MYO16: variants seen among roughly 807,000 people sequenced by gnomAD.
MYO16 encodes the protein myosin XVI.
A neutral mutation model predicts 205.3 loss-of-function variants in MYO16; 94 were observed. The observed-to-expected ratio is 0.46, with a 90% confidence interval of 0.39 to 0.54. MYO16 has a LOEUF of 0.54. Ranked by LOEUF, MYO16 falls within the 20% of genes least tolerant of loss-of-function variation. The pLI, the probability that MYO16 is intolerant of heterozygous loss-of-function variation, is 0.00. For missense variants in MYO16, 2,315 were observed against 2,387.5 expected, an observed-to-expected ratio of 0.97 and a Z score of 0.63; for synonymous variants, 988 against 954.0, an observed-to-expected ratio of 1.04 and a Z score of -0.66.
At chr13:109,053,936 C>T (rs1015754869) in intron 25 of MYO16, among the ~76,000 whole-genome samples, 2 of 152,178 alleles carry the variant, frequency 1.3e-5, no homozygotes, top group Non-Finnish European at 1.5e-5. Context: ...TACATCTTAA[C>T]AGAAGAAAAT....
chr13:108,853,388 T>A (rs1877991538), intron 10 of MYO16, among the ~76,000 whole-genome samples: 1 of 152,206 alleles, frequency 6.6e-6, no homozygotes, highest in Non-Finnish European at 1.5e-5. Context: ...CATCAAAGCC[T>A]TAAAGCTATG....
Position 108,665,905 on chromosome 13 carries a change from C to G in MYO16, c.48C>G (p.Asn16Lys), listed in dbSNP as rs200159864. 6 of 1,613,856 alleles carry G rather than the reference C, an allele frequency of 3.7e-6. No individual in the cohort carries two copies. Among genetic ancestry groups the G allele is most frequent in the Non-Finnish European group, 4.2e-6 (5 of 1,179,848 alleles). ...TTCCAGGTTGCTTTCAGCTATGTAACGTTTTTCGATCCCATGAGATGGAAA... is the reference window on the plus strand; with the variant it reads ...TTCCAGGTTGCTTTCAGCTATGTAAGGTTTTTCGATCCCATGAGATGGAAA... ...FIKCCCFQLC[N>K]VFRSHEMEID... The change falls in exon 2 of 35, where the codon AAC becomes AAG. Residue 16 changes from asparagine to lysine, a missense_variant. This residue lies in a region of MYO16 where 1,213 missense variants were observed against 1,274.4 expected (regional missense o/e 0.95). Coordinates refer to ENST00000457511, the MANE Select transcript of MYO16 (RefSeq NM_001198950.3).
At chr13:108,605,172 C>G (rs1017591401) in intron 1 of MYO16, among the ~76,000 whole-genome samples, 2 of 152,170 alleles carry the variant, frequency 1.3e-5, no homozygotes, top group African/African-American at 4.8e-5. Context: ...AAAGGACTGA[C>G]TCTTAGACAT....
At chr13:108,580,338 G>A in the MYO16 span, among the ~76,000 whole-genome samples, 9 of 152,074 alleles carry the variant, frequency 5.9e-5, no homozygotes, top group Admixed American at 1.3e-4. Flanking sequence ...ATACATGTGC[G>A]ACAATTTGAG....
At chr13:108,587,957 ATT>A in the MYO16 span, among the ~76,000 whole-genome samples, 3 of 152,104 alleles carry the variant, frequency 2.0e-5, no homozygotes, top group Admixed American at 2.0e-4. Context: ...CCAAAATAAT[ATT>A]TTTTTCTGTT....
chr13:109,165,020 A>C lies in MYO16; in HGVS notation c.5284A>C (p.Ser1762Arg). The C allele has an allele frequency of 6.2e-7, 1 of 1,601,176 alleles. No homozygotes were observed. Among genetic ancestry groups the C allele is most frequent in the Non-Finnish European group, 8.5e-7 (1 of 1,175,152 alleles). Residue 1762 changes from serine (S) to arginine (R), a missense_variant, in exon 33 of 35, where the codon AGT becomes CGT. Ser to Arg is a moderately radical substitution (Grantham distance 110). Coordinates refer to ENST00000457511, the MANE Select transcript of MYO16 (RefSeq NM_001198950.3). Reference protein sequence around the residue: ...HGIQLSNSLSSAITAENGNSI... With the variant: ...HGIQLSNSLSRAITAENGNSI... Reference sequence around the variant, plus strand: ...AATTCAGTTATCTAATTCACTATCTAGTGCTATAACTGCTGAAAATGGAAA... The same window carrying C: ...AATTCAGTTATCTAATTCACTATCTCGTGCTATAACTGCTGAAAATGGAAA...
At chr13:108,554,866 A>G in the MYO16 span, among the ~76,000 whole-genome samples, 464 of 147,374 alleles carry the variant, frequency 3.1e-3, 7 homozygotes, top group South Asian at 0.05. Flanking sequence ...AAAAAAAAAA[A>G]AAAAAAAGAA....
chr13:108,592,228 G>C (rs1360730987), upstream of MYO16, among the ~76,000 whole-genome samples: 1 of 89,518 alleles, frequency 1.1e-5, no homozygotes, highest in Admixed American at 1.1e-4. Context: ...GGGGTGGGGG[G>C]AGCTGTGTGT....
intron 2 of MYO16, among the ~76,000 whole-genome samples, chr13:108,687,371 G>T (rs939264288): frequency 3.3e-5 from 5 of 152,124 alleles, no homozygotes; most frequent in Non-Finnish European, 5.9e-5. Flanking sequence ...AGTCCCTCCT[G>T]TGTGTTCCAG....
At chr13:109,037,309 C>G (rs537462693) in intron 23 of MYO16, among the ~76,000 whole-genome samples, 9 of 152,268 alleles carry the variant, frequency 5.9e-5, no homozygotes, top group Non-Finnish European at 1.0e-4. Flanking sequence ...CCAGGTGCTG[C>G]GTATAGATGC....
intron 34 of MYO16, among the ~76,000 whole-genome samples, chr13:109,199,001 C>A (rs1880277977): frequency 6.6e-6 from 1 of 151,760 alleles, no homozygotes; most frequent in South Asian, 2.1e-4. Context: ...AGTTTAATGT[C>A]ATTCCTGTCA....
chr13:108,779,980 C>T (rs41275066), intron 4 of MYO16: 2 of 152,160 alleles, frequency 1.3e-5, no homozygotes, highest in Non-Finnish European at 2.9e-5. Context: ...AAGTTTCAGG[C>T]TTTCTGACAG....
intron 31 of MYO16, among the ~76,000 whole-genome samples, chr13:109,137,878 A>G (rs1414880763): frequency 6.6e-6 from 1 of 152,192 alleles, no homozygotes; most frequent in Non-Finnish European, 1.5e-5. Flanking sequence ...CAGCACAAAC[A>G]CACACAGTTC....
the MYO16 span, among the ~76,000 whole-genome samples, chr13:108,547,938 T>C: frequency 6.6e-6 from 1 of 152,120 alleles, no homozygotes; most frequent in Non-Finnish European, 1.5e-5. Flanking sequence ...CAAAAGACAG[T>C]GTGGTTTGTT....
At chr13:108,741,184 C>A (rs1358765377) in intron 4 of MYO16, among the ~76,000 whole-genome samples, 2 of 152,150 alleles carry the variant, frequency 1.3e-5, no homozygotes, top group Admixed American at 1.3e-4. Flanking sequence ...GAACTCGGTA[C>A]CTCAGTTGGA....
intron 11 of MYO16, among the ~76,000 whole-genome samples, chr13:108,855,967 C>A (rs942140864): frequency 6.6e-6 from 1 of 152,174 alleles, no homozygotes; most frequent in Admixed American, 6.6e-5. Flanking sequence ...AAGACTGCAT[C>A]TCTATTTGCA....
At chr13:108,618,336 C>A (rs1484572451) in intron 1 of MYO16, among the ~76,000 whole-genome samples, 1 of 151,998 alleles carries the variant, frequency 6.6e-6, no homozygotes, top group African/African-American at 2.4e-5. Context: ...AGAGCACCTG[C>A]AAAAAAGAGG....
chr13:108,748,219 C>T (rs1885124806), intron 4 of MYO16, among the ~76,000 whole-genome samples: 1 of 151,872 alleles, frequency 6.6e-6, no homozygotes, highest in African/African-American at 2.4e-5. Flanking sequence ...GGAAAATTGT[C>T]AAATATTTGG....
intron 27 of MYO16, among the ~76,000 whole-genome samples, chr13:109,080,191 T>C (rs1888240897): frequency 6.6e-6 from 1 of 152,186 alleles, no homozygotes; most frequent in South Asian, 2.1e-4. Context: ...CTTGTATTTC[T>C]TAAGATAATT....
Sources: allele counts gnomAD v4.1 joint callset (sites outside exome capture counted in the v4.1 genomes callset), GRCh38; gene constraint gnomAD v4.1.1; regional missense constraint gnomAD v4.1.1; transcripts MANE v1.5; gene names NCBI Gene and HGNC (gene_info 2026-07-23, HGNC 2026-07-21).